Variants in UBE2O observed in about 807,000 individuals in gnomAD.
The protein encoded by UBE2O is ubiquitin conjugating enzyme E2 O.
In UBE2O, 15 loss-of-function variants were observed where a neutral mutation model predicts 125.8. That is an observed-to-expected ratio of 0.12 (90% CI 0.08 to 0.18). The LOEUF is 0.18. Among genes scored for constraint, UBE2O ranks in the 10% least tolerant of loss-of-function variants. The pLI, the probability that UBE2O is intolerant of heterozygous loss-of-function variation, is 1.00. For synonymous variants in UBE2O, 708 were observed against 703.2 expected (o/e 1.01, Z -0.11); for missense variants, 1,280 against 1,723.6 (o/e 0.74, Z 4.56).
At chr17:76,409,141 T>C (rs2072474120) in intron 1 of UBE2O, among the ~76,000 whole-genome samples, 1 of 151,632 alleles carries the variant, frequency 6.6e-6, no homozygotes, top group Non-Finnish European at 1.5e-5. Context: ...GCTAATTTTT[T>C]GTATTTTCAG....
intron 1 of UBE2O, among the ~76,000 whole-genome samples, chr17:76,416,298 C>T (rs1198622936): frequency 1.3e-5 from 2 of 152,012 alleles, no homozygotes; most frequent in Non-Finnish European, 2.9e-5. Context: ...GGCAGCCCAG[C>T]ATCTTCCCTG....
chr17:76,396,221 T>A lies in UBE2O; in HGVS notation c.2716A>T (p.Thr906Ser). The A allele has an allele frequency of 6.2e-7, 1 of 1,614,112 alleles. No homozygotes were observed. The highest frequency in any genetic ancestry group is 8.5e-7 in the Non-Finnish European group (1 of 1,180,032). The change falls in exon 14 of 18, where the codon ACC becomes TCC. Residue 906 changes from threonine (T) to serine (S), a missense_variant. Thr to Ser is a moderately conservative substitution (Grantham distance 58). This residue lies in a region of UBE2O where 116 missense variants were observed against 154.8 expected (regional missense o/e 0.75). Transcript: ENST00000319380. The surrounding 1 kb of genome is among the most constrained non-coding windows in gnomAD (Gnocchi z 6.7). ...SPVKAEWPSE[T>S]PVLCQQCGGK... is the part of the protein sequence containing the mutation. Reference sequence around the variant, plus strand: ...CCACACTGCTGGCACAGCACCGGGGTTTCGCTGGGCCACTCAGCCTTCACA... The same window carrying A: ...CCACACTGCTGGCACAGCACCGGGGATTCGCTGGGCCACTCAGCCTTCACA...
chr17:76,392,884 G>A (rs747555562), intron 15 of UBE2O, among the ~76,000 whole-genome samples: 6 of 151,778 alleles, frequency 4.0e-5, no homozygotes, highest in Non-Finnish European at 8.8e-5. Context: ...ACCCGGAGGC[G>A]GAGGTTGCAG....
chr17:76,450,928 C>T (rs556017929), intron 1 of UBE2O, among the ~76,000 whole-genome samples: 17 of 152,174 alleles, frequency 1.1e-4, no homozygotes, highest in African/African-American at 3.6e-4. Flanking sequence ...CCGTTGTTTT[C>T]GATTTAACTC....
rs186789571 is a variant in UBE2O, at chr17:76,452,485, C to T, written c.417+240G>A. Among the ~76,000 whole-genome samples the T allele has an allele frequency of 1.3e-5, 2 of 152,326 alleles. No homozygotes were observed. Among genetic ancestry groups the T allele is most frequent in the African/African-American group, 4.8e-5 (2 of 41,584 alleles). On this transcript the variant is annotated intron_variant, in intron 1 of 17. Coordinates refer to ENST00000319380, the MANE Select transcript of UBE2O (RefSeq NM_022066.4). This position sits in a 1 kb window ranked among gnomAD's most constrained non-coding sequence, Gnocchi z 4.4. ...CACAGCATAACATGTCTTAGAAGTC[C>T]CCTCAAGTCGGGAAGCCCAGGGCCC...
Position 76,423,725 on chromosome 17 carries a change from T to TAAATAAATAAATAAATAAATAAATAAAA in UBE2O, c.418-18154_418-18153insTTTTATTTATTTATTTATTTATTTATTT, listed in dbSNP as rs1407680083. On this transcript the variant is annotated intron_variant, in intron 1 of 17. Coordinates refer to ENST00000319380, the MANE Select transcript of UBE2O (RefSeq NM_022066.4). ...ATAAATAAATAAATAAATAAATAAA[T>TAAATAAATAAATAAATAAATAAATAAAA]AAAAAATAAGGTCAGGCAGGAAGCT... Among the ~76,000 whole-genome samples, 298 of 148,904 alleles carry TAAATAAATAAATAAATAAATAAATAAAA rather than the reference T, an allele frequency of 2.0e-3. 3 individuals carry two copies. Among genetic ancestry groups the TAAATAAATAAATAAATAAATAAATAAAA allele is most frequent in the Non-Finnish European group, 3.7e-3 (248 of 67,228 alleles).
At position 76,452,244 on chromosome 17, in the gene UBE2O, T is replaced by C. The variant is rs188596613; in HGVS notation, c.417+481A>G. On this transcript the variant is annotated intron_variant, in intron 1 of 17. Coordinates refer to ENST00000319380, the MANE Select transcript of UBE2O (RefSeq NM_022066.4). The surrounding 1 kb of genome is among the most constrained non-coding windows in gnomAD (Gnocchi z 4.4). Reference sequence around the variant, plus strand: ...TGCAGCCTGTAAGCTAGTGAACTTCTTGGGTTCGGCTGGGATTTTCACCTC... The same window carrying C: ...TGCAGCCTGTAAGCTAGTGAACTTCCTGGGTTCGGCTGGGATTTTCACCTC... 6.6e-6 allele frequency among the ~76,000 whole-genome samples: 1 copy of C among 152,336 alleles called. No homozygotes were observed. The highest frequency in any genetic ancestry group is 1.9e-4 in the East Asian group (1 of 5,182).
rs2143729919 is a variant in UBE2O, at chr17:76,405,370, G to A, written c.478-54C>T. ...CGTGGTGCAGCAGCCCTGGTCACCA[G>A]GGGAGACCCAGCCCAGGCAACCCCA... On this transcript the variant is annotated intron_variant, in intron 2 of 17. Coordinates refer to ENST00000319380, the MANE Select transcript of UBE2O (RefSeq NM_022066.4). This position sits in a 1 kb window ranked among gnomAD's most constrained non-coding sequence, Gnocchi z 6.1. 1 of 1,545,332 alleles carries A rather than the reference G, an allele frequency of 6.5e-7. No homozygotes were observed.
intron 1 of UBE2O, among the ~76,000 whole-genome samples, chr17:76,417,830 C>T (rs573333107): frequency 1.9e-4 from 29 of 152,306 alleles, no homozygotes; most frequent in African/African-American, 7.0e-4. Context: ...CGCGAAGAGA[C>T]GTCTGGGTGA....
chr17:76,394,623 T>G (rs2072172932), intron 15 of UBE2O, among the ~76,000 whole-genome samples: 1 of 152,036 alleles, frequency 6.6e-6, no homozygotes, highest in Non-Finnish European at 1.5e-5. Context: ...TACATGAAAA[T>G]GTAAAAATAT....
intron 15 of UBE2O, among the ~76,000 whole-genome samples, chr17:76,394,745 G>C (rs545217948): frequency 2.0e-5 from 3 of 152,256 alleles, no homozygotes; most frequent in Admixed American, 6.5e-5. Context: ...TATGATTCGG[G>C]GAGAAAGGGA....
Position 76,398,602 on chromosome 17 carries a change from G to A in UBE2O, c.1784-18C>T. 6 of 1,610,494 alleles carry A rather than the reference G, an allele frequency of 3.7e-6. No homozygotes were observed. The highest frequency in any genetic ancestry group is 5.1e-6 in the Non-Finnish European group (6 of 1,177,028). ...GCTCTGGACTAGGGAACCAGAGAAA[G>A]GGAAGTGACTAGCTAAGGGATCCCG... On this transcript the variant is annotated intron_variant, in intron 10 of 17. Transcript: ENST00000319380. This position sits in a 1 kb window ranked among gnomAD's most constrained non-coding sequence, Gnocchi z 5.4.
intron 3 of UBE2O, among the ~76,000 whole-genome samples, chr17:76,403,676 A>G (rs1404900750): frequency 6.6e-6 from 1 of 152,186 alleles, no homozygotes; most frequent in Non-Finnish European, 1.5e-5. Context: ...TGTGTCCCAA[A>G]AGAGCCAAGT....
intron 1 of UBE2O, among the ~76,000 whole-genome samples, chr17:76,416,232 GTA>G (rs1206719884): frequency 6.6e-6 from 1 of 151,800 alleles, no homozygotes; most frequent in Admixed American, 6.6e-5. Context: ...ATGTATATGT[GTA>G]TATATGTGTG....
chr17:76,409,731 G>C (rs2072485279), intron 1 of UBE2O, among the ~76,000 whole-genome samples: 1 of 152,112 alleles, frequency 6.6e-6, no homozygotes, highest in Non-Finnish European at 1.5e-5. Context: ...CTCAACAGTG[G>C]GGCTGCCCAG....
intron 1 of UBE2O, among the ~76,000 whole-genome samples, chr17:76,426,824 C>A (rs972866842): frequency 6.6e-6 from 1 of 152,186 alleles, no homozygotes; most frequent in South Asian, 2.1e-4. Flanking sequence ...CACTTCCCAA[C>A]GCCTCTGGAT....
intron 1 of UBE2O, among the ~76,000 whole-genome samples, chr17:76,423,624 C>T (rs74189916): frequency 6.7e-6 from 1 of 148,580 alleles, no homozygotes; most frequent in African/African-American, 2.5e-5. Context: ...ACCTGGGAGG[C>T]GGAGCTTGCA....
At chr17:76,428,193 G>A (rs939939482) in intron 1 of UBE2O, among the ~76,000 whole-genome samples, 10 of 152,172 alleles carry the variant, frequency 6.6e-5, no homozygotes, top group Non-Finnish European at 1.2e-4. Flanking sequence ...TTCATTCCCA[G>A]TCTTTTGTAT....
At chr17:76,416,740 C>T (rs2072622928) in intron 1 of UBE2O, among the ~76,000 whole-genome samples, 1 of 152,210 alleles carries the variant, frequency 6.6e-6, no homozygotes, top group Non-Finnish European at 1.5e-5. Flanking sequence ...CACTTCTTGG[C>T]TGGGTCATTA....
Sources: gnomAD v4.1 joint callset for allele counts (sites outside exome capture counted in the v4.1 genomes callset) on GRCh38, gnomAD v4.1.1 for gene constraint, gnomAD v4.1.1 regional missense constraint, Gnocchi (gnomAD v3.1) non-coding constraint, MANE v1.5 for transcripts, NCBI Gene and HGNC (gene_info 2026-07-23, HGNC 2026-07-21) for gene names.